PMFBP1: variants seen among roughly 807,000 people sequenced by gnomAD.
PMFBP1 encodes polyamine modulated factor 1 binding protein 1, also known as polyamine-modulated factor 1-binding protein 1.
Under a neutral mutation model 137.8 loss-of-function variants are expected in PMFBP1, and 131 were observed. That is an observed-to-expected ratio of 0.95 (90% CI 0.82 to 1.10). The LOEUF (loss-of-function observed/expected upper bound fraction) is 1.10, where lower values mean the gene tolerates loss of function less well. Among genes scored for constraint, PMFBP1 ranks in the 50% least tolerant of loss-of-function variants. The pLI, the probability that PMFBP1 is intolerant of heterozygous loss-of-function variation, is 0.00. For missense variants in PMFBP1, 1,199 were observed against 1,175.4 expected (o/e 1.02, Z -0.29); for synonymous variants, 490 against 450.4 (o/e 1.09, Z -1.11).
chr16:72,177,855 AG>A (rs778259175), upstream of PMFBP1, among the ~76,000 whole-genome samples: 33 of 152,252 alleles, frequency 2.2e-4, no homozygotes, highest in East Asian at 6.0e-3. Flanking sequence ...AGTACTGGAA[AG>A]TTAATTCATA....
At chr16:72,161,273 T>A (rs1306144773) in intron 3 of PMFBP1, among the ~76,000 whole-genome samples, 1 of 151,926 alleles carries the variant, frequency 6.6e-6, no homozygotes, top group Non-Finnish European at 1.5e-5. Context: ...AATTTTTGTA[T>A]TTTTAGTAGA....
rs181358582 is a variant in PMFBP1, at chr16:72,122,417, G to A, written c.2768+497C>T. ...CATTCTCAAACTGGTAACACTCCTC[G>A]CATACCTCCCTCTTAGTGGACCCAG... On this transcript the variant is annotated intron_variant, in intron 19 of 20. Coordinates refer to ENST00000237353, the MANE Select transcript of PMFBP1 (RefSeq NM_031293.3). 1.1e-3 allele frequency among the ~76,000 whole-genome samples: 171 copies of A among 152,194 alleles called. 1 individual carries two copies. The highest frequency in any genetic ancestry group is 4.0e-4 in the Non-Finnish European group (27 of 68,018).
At chr16:72,209,309 G>A in the PMFBP1 span, among the ~76,000 whole-genome samples, 30 of 152,128 alleles carry the variant, frequency 2.0e-4, no homozygotes, top group African/African-American at 7.2e-5. Flanking sequence ...ATTTCTCACT[G>A]ACTTCACTGT....
intron 4 of PMFBP1, among the ~76,000 whole-genome samples, chr16:72,152,414 C>T (rs890457696): frequency 2.0e-4 from 30 of 152,112 alleles, no homozygotes; most frequent in African/African-American, 7.0e-4. Context: ...CTAGCTGTTG[C>T]CATGTGACTA....
At chr16:72,206,217 A>T in the PMFBP1 span, among the ~76,000 whole-genome samples, 1 of 152,124 alleles carries the variant, frequency 6.6e-6, no homozygotes, top group African/African-American at 2.4e-5. Context: ...GGTCTCTTTG[A>T]GCCTCTGTTT....
intron 20 of PMFBP1, 153 bp from the exon 21 acceptor site, chr16:72,119,507 C>G: frequency 6.6e-7 from 1 of 1,521,374 alleles, no homozygotes. Context: ...GGAAAGGCGG[C>G]TGTGGACCCA....
intron 2 of PMFBP1, among the ~76,000 whole-genome samples, chr16:72,170,768 A>C (rs1171713258): frequency 6.6e-6 from 1 of 152,164 alleles, no homozygotes; most frequent in African/African-American, 2.4e-5. Context: ...TAAACTAATC[A>C]GACACTCCAT....
chr16:72,133,590 G>A (rs964786596), intron 9 of PMFBP1, among the ~76,000 whole-genome samples: 58 of 152,156 alleles, frequency 3.8e-4, no homozygotes, highest in Admixed American at 1.3e-4. Flanking sequence ...CTAGGCTCAA[G>A]CGATCCTCCC....
chr16:72,202,329 T>G, the PMFBP1 span, among the ~76,000 whole-genome samples: 3 of 152,228 alleles, frequency 2.0e-5, no homozygotes, highest in Non-Finnish European at 2.9e-5. Flanking sequence ...TCTTCACTGA[T>G]GTATCTCTTT....
the PMFBP1 span, among the ~76,000 whole-genome samples, chr16:72,199,653 CA>C: frequency 0.18 from 14,980 of 82,108 alleles, 618 homozygotes; most frequent in South Asian, 0.39. Flanking sequence ...GACTCCGTCT[CA>C]AAAAAAAAAA....
chr16:72,167,582 T>C (rs185340886), intron 2 of PMFBP1, among the ~76,000 whole-genome samples: 1 of 152,192 alleles, frequency 6.6e-6, no homozygotes, highest in Non-Finnish European at 1.5e-5. Flanking sequence ...AGAGTGGTAG[T>C]TTGATTCTGG....
intron 2 of PMFBP1, among the ~76,000 whole-genome samples, chr16:72,168,145 A>G (rs1454451351): frequency 6.6e-6 from 1 of 152,250 alleles, no homozygotes; most frequent in Non-Finnish European, 1.5e-5. Flanking sequence ...TATTCCTTAA[A>G]CCAGTTGAAT....
At chr16:72,171,135 T>C (rs2043215094) in intron 2 of PMFBP1, 62 bp downstream of exon 2, 2 of 1,558,778 alleles carry the variant, frequency 1.3e-6, no homozygotes, top group East Asian at 2.2e-5. Context: ...TCATAAAACA[T>C]GAAAAAAGTC....
chr16:72,185,726 A>G, the PMFBP1 span, among the ~76,000 whole-genome samples: 1 of 152,202 alleles, frequency 6.6e-6, no homozygotes. Context: ...GTGAGTAGAG[A>G]AATAACTGGC....
At chr16:72,171,891 T>C (rs1383780746) in intron 1 of PMFBP1, 163 bp downstream of exon 1, 1 of 152,258 alleles carries the variant, frequency 6.6e-6, no homozygotes, top group African/African-American at 2.4e-5. Flanking sequence ...CTGAGACTTA[T>C]CTAGCTAGAA....
intron 5 of PMFBP1, 134 bp downstream of exon 5, chr16:72,150,474 C>T (rs1167689605): frequency 6.1e-6 from 5 of 818,896 alleles, no homozygotes; most frequent in Admixed American, 2.1e-5. Context: ...AAGCTGAGGG[C>T]TACAAAATCA....
rs771049772 is a variant in PMFBP1 at position 72,164,940 on chromosome 16, C to A, written c.13-24G>T. On this transcript the variant is annotated intron_variant, in intron 2 of 20. Transcript: ENST00000237353. Reference sequence around the variant, plus strand: ...GCCTAGGCAGCCAGAAAAACAAAAGCATCAATTATAAACTATCAAGAAAGT... The same window carrying A: ...GCCTAGGCAGCCAGAAAAACAAAAGAATCAATTATAAACTATCAAGAAAGT... 3.2e-6 allele frequency: 5 copies of A among 1,567,038 alleles called. No individual in the cohort carries two copies. The East Asian group carries it at 9.1e-5, about 29-fold the overall frequency.
chr16:72,208,987 T>C, the PMFBP1 span, among the ~76,000 whole-genome samples: 1,343 of 152,342 alleles, frequency 8.8e-3, 14 homozygotes, highest in South Asian at 0.058. Context: ...TTTTTGAGCG[T>C]GCAAACTGTT....
At chr16:72,171,402 CTTACCCATCTGTTTGTGTTT>C in intron 1 of PMFBP1, 134 bp from the exon 2 acceptor site, 1 of 547,038 alleles carries the variant, frequency 1.8e-6, no homozygotes, top group Non-Finnish European at 3.2e-6. Context: ...TACCCACTTG[CTTACCCATCTGTTTGTGTTT>C]TTAAAAGGGT....
Sources: allele counts gnomAD v4.1 joint callset (sites outside exome capture counted in the v4.1 genomes callset), GRCh38; gene constraint gnomAD v4.1.1; transcripts MANE v1.5; gene names NCBI Gene and HGNC (gene_info 2026-07-23, HGNC 2026-07-21).